Variants in TRIOBP observed in about 807,000 individuals in gnomAD.
TRIOBP encodes the protein TRIO and F-actin-binding protein.
In TRIOBP, 169 loss-of-function variants were observed where a neutral mutation model predicts 238.8. That is an observed-to-expected ratio of 0.71 (90% CI 0.62 to 0.80). TRIOBP has a LOEUF of 0.80. Among genes scored for constraint, TRIOBP ranks in the 30% least tolerant of loss-of-function variants. TRIOBP has a pLI of 0.00. For missense variants in TRIOBP, 2,838 were observed against 3,122.6 expected, an observed-to-expected ratio of 0.91 and a Z score of 2.17; for synonymous variants, 1,150 against 1,274.4, an observed-to-expected ratio of 0.90 and a Z score of 2.08.
chr22:37,768,726 A>G (rs1244265650), intron 19 of TRIOBP, among the ~76,000 whole-genome samples: 1 of 151,960 alleles, frequency 6.6e-6, no homozygotes, highest in Non-Finnish European at 1.5e-5. Flanking sequence ...GCTTGAACCC[A>G]GGAGGCAGAG....
intron 6 of TRIOBP, among the ~76,000 whole-genome samples, chr22:37,719,928 C>G (rs1262390408): frequency 6.7e-6 from 1 of 149,346 alleles, no homozygotes; most frequent in Non-Finnish European, 1.5e-5. Context: ...TTTATACAAC[C>G]CAGCCCTCTA....
At position 37,725,561 on chromosome 22, in the gene TRIOBP, C is replaced by A; in HGVS notation, c.3005C>A (p.Ala1002Asp). 3 of 1,613,754 alleles carry A rather than the reference C, an allele frequency of 1.9e-6. No individual in the cohort carries two copies. Among genetic ancestry groups the A allele is most frequent in the Non-Finnish European group, 2.5e-6 (3 of 1,180,008 alleles). The change falls in exon 7 of 24, where the codon GCT (alanine) becomes GAT (aspartate). Residue 1002 changes from alanine to aspartate, a missense_variant. Transcript: ENST00000644935. ...SSPVYPAAYG[A>D]PLTSPEPSQP... ...CCTGTGTACCCCGCTGCCTATGGGG[C>A]TCCCCTGACCTCTCCTGAGCCCTCC...
intron 6 of TRIOBP, among the ~76,000 whole-genome samples, chr22:37,722,782 A>G (rs564626317): frequency 6.6e-6 from 1 of 152,340 alleles, no homozygotes; most frequent in South Asian, 2.1e-4. Flanking sequence ...ATTGAAGGAA[A>G]TAGAACTGGG....
rs1322168493 is a variant in TRIOBP, at chr22:37,725,454, C to T, written c.2898C>T (p.Gly966=). ...ATGACCCACCCCAGTCCTCCTTTGG[C>T]CCCACCCAGTACAACTTGCCATCCC... ...AQHDPPQSSF[G]PTQYNLPSRA... The change falls in exon 7 of 24, where the codon GGC becomes GGT. Residue 966 remains glycine (G), a synonymous_variant. Coordinates refer to ENST00000644935, the MANE Select transcript of TRIOBP (RefSeq NM_001039141.3). The T allele has an allele frequency of 2.5e-6, 4 of 1,612,062 alleles. No homozygotes were observed. The highest frequency in any genetic ancestry group is 4.5e-5 in the East Asian group (2 of 44,872).
rs1601630496 is a variant in TRIOBP at position 37,723,423 on chromosome 22, C to G, written c.867C>G (p.Thr289=). 2.5e-6 allele frequency: 4 copies of G among 1,612,786 alleles called. No individual in the cohort carries two copies. Among genetic ancestry groups the G allele is most frequent in the Non-Finnish European group, 3.4e-6 (4 of 1,179,684 alleles). The change falls in exon 7 of 24, where the codon ACC becomes ACG. Residue 289 remains threonine, a synonymous_variant. Transcript: ENST00000644935. ...CCCATCGAATCACCCAAAGGGACAC[C>G]TCCAGGGCCTCATCCACCCAACAGG... is the stretch of plus-strand genomic sequence containing the variant. ...SSPHRITQRD[T]SRASSTQQEI...
chr22:37,710,614 C>T, intron 4 of TRIOBP, 48 bp downstream of exon 4: 1 of 1,580,246 alleles, frequency 6.3e-7, no homozygotes, highest in Non-Finnish European at 8.6e-7. Context: ...GGTGGAATGC[C>T]CTCACCCTTC....
chr22:37,770,775 C>T (rs1399379339), intron 21 of TRIOBP, among the ~76,000 whole-genome samples: 1 of 150,394 alleles, frequency 6.6e-6, no homozygotes, highest in Non-Finnish European at 1.5e-5. Flanking sequence ...CTCCGCCTCT[C>T]GGGTTCATGC....
Position 37,726,247 on chromosome 22 carries a change from C to T in TRIOBP, c.3691C>T (p.Arg1231Cys), listed in dbSNP as rs751171100. ...TGCACCCCGAGCCTCCTCCCCACCCCGCCACCCACCCAGTGACCTAGCGTT... is the reference window on the plus strand; with the variant it reads ...TGCACCCCGAGCCTCCTCCCCACCCTGCCACCCACCCAGTGACCTAGCGTT... ...RDAPRASSPP[R>C]HPPSDLAFLA... The change falls in exon 7 of 24, where the codon CGC (arginine) becomes TGC (cysteine). Residue 1231 changes from arginine to cysteine, a missense_variant. Physicochemically the swap from Arg to Cys is radical, Grantham distance 180 (BLOSUM62 -3). This residue lies in a region of TRIOBP where 2,096 missense variants were observed against 2,137.4 expected (regional missense o/e 0.98). Transcript: ENST00000644935. The T allele has an allele frequency of 2.4e-5, 39 of 1,611,604 alleles. No homozygotes were observed. Among genetic ancestry groups the T allele is most frequent in the South Asian group, 8.8e-5 (8 of 90,788 alleles).
In TRIOBP at chr22:37,724,949, G is replaced by A. The variant is rs191717358; in HGVS notation, c.2393G>A (p.Arg798Gln). ...AACCCCAGAACATCCTGTGCCCAGC[G>A]GGACAATCTCAGAGCCTCCTCTCCC... ...RDNPRTSCAQ[R>Q]DNLRASSPIR... Residue 798 changes from arginine (R) to glutamine (Q), a missense_variant, in exon 7 of 24, where the codon CGG becomes CAG. By Grantham distance (43) the Arg-to-Gln change is conservative (BLOSUM62 1). This residue lies in a region of TRIOBP where 2,096 missense variants were observed against 2,137.4 expected (regional missense o/e 0.98). Coordinates refer to ENST00000644935, the MANE Select transcript of TRIOBP (RefSeq NM_001039141.3). The A allele has an allele frequency of 1.6e-5, 26 of 1,613,600 alleles. No individual in the cohort carries two copies. Among genetic ancestry groups the A allele is most frequent in the Admixed American group, 1.5e-4 (9 of 59,966 alleles).
At chr22:37,759,847 A>G (rs1926151172) in intron 17 of TRIOBP, 1 of 1,099,046 alleles carries the variant, frequency 9.1e-7, no homozygotes, top group Non-Finnish European at 1.2e-6. Flanking sequence ...CTAACTCTCT[A>G]GAAAAAACGT....
intron 6 of TRIOBP, among the ~76,000 whole-genome samples, chr22:37,718,187 G>A (rs1461657716): frequency 2.0e-5 from 3 of 152,190 alleles, no homozygotes; most frequent in Non-Finnish European, 4.4e-5. Flanking sequence ...GCCCACAAGC[G>A]CCGCGCGCAG....
intron 17 of TRIOBP, among the ~76,000 whole-genome samples, chr22:37,763,650 T>G (rs140840637): frequency 2.1e-3 from 326 of 152,306 alleles, no homozygotes; most frequent in African/African-American, 7.0e-3. Flanking sequence ...CAAAAATAAT[T>G]TAAACAAATT....
At chr22:37,702,634 C>CT (rs34625454) in intron 3 of TRIOBP, among the ~76,000 whole-genome samples, 3,262 of 81,034 alleles carry the variant, frequency 0.04, 74 homozygotes, top group African/African-American at 0.085. Context: ...TTCTCTCTCT[C>CT]TTTTTTTTTT....
intron 18 of TRIOBP, among the ~76,000 whole-genome samples, chr22:37,767,556 C>A (rs183450109): frequency 6.6e-6 from 1 of 152,314 alleles, no homozygotes; most frequent in East Asian, 1.9e-4. Context: ...CTGTTGTTAT[C>A]GATCCCTGTT....
intron 17 of TRIOBP, among the ~76,000 whole-genome samples, chr22:37,762,253 A>C (rs552971199): frequency 6.6e-6 from 1 of 152,198 alleles, no homozygotes; most frequent in East Asian, 1.9e-4. Flanking sequence ...TTTTGTAGAG[A>C]CAAGGTCTCA....
intron 23 of TRIOBP, 121 bp downstream of exon 23, chr22:37,772,885 TA>T: frequency 7.9e-7 from 1 of 1,263,566 alleles, no homozygotes; most frequent in Middle Eastern, 2.7e-4. Flanking sequence ...TCCCGTTCTG[TA>T]AAAAGGACAA....
intron 11 of TRIOBP, among the ~76,000 whole-genome samples, chr22:37,748,207 A>G (rs1038884509): frequency 2.6e-5 from 4 of 152,138 alleles, no homozygotes; most frequent in African/African-American, 7.2e-5. Context: ...ATCACCATTA[A>G]TAGTGTTCAT....
intron 12 of TRIOBP, among the ~76,000 whole-genome samples, chr22:37,753,472 T>G (rs1925737981): frequency 6.6e-6 from 1 of 151,852 alleles, no homozygotes; most frequent in African/African-American, 2.4e-5. Flanking sequence ...AGAGACAGGG[T>G]TTCTCCATGT....
At chr22:37,748,226 T>A (rs2145858047) in intron 11 of TRIOBP, among the ~76,000 whole-genome samples, 1 of 152,296 alleles carries the variant, frequency 6.6e-6, no homozygotes, top group East Asian at 1.9e-4. Flanking sequence ...ATTGAGTTCA[T>A]CCTGGCTGCC....
Sources: gnomAD v4.1 joint callset for allele counts (sites outside exome capture counted in the v4.1 genomes callset) on GRCh38, gnomAD v4.1.1 for gene constraint, gnomAD v4.1.1 regional missense constraint, MANE v1.5 for transcripts, NCBI Gene and HGNC (gene_info 2026-07-23, HGNC 2026-07-21) for gene names.